The following USP19 variants were observed in gnomAD, a reference collection of about 807,000 sequenced individuals.
The protein encoded by USP19 is ubiquitin carboxyl-terminal hydrolase 19.
USP19 carries 40 observed loss-of-function variants against 144.8 expected under a neutral mutation model. The observed-to-expected ratio is 0.28, with a 90% confidence interval of 0.21 to 0.36. The LOEUF is 0.36. USP19 is among the 10% of genes least tolerant of loss of function. The pLI is 1.00. For missense variants in USP19, 1,518 were observed against 1,822.5 expected (o/e 0.83, Z 3.04); for synonymous variants, 701 against 709.3 (o/e 0.99, Z 0.19).
rs754055929 is a variant in USP19 at position 49,117,795 on chromosome 3, G to A, written c.334C>T (p.Pro112Ser). 7.4e-6 allele frequency: 12 copies of A among 1,614,170 alleles called. No homozygotes were observed. Among genetic ancestry groups the A allele is most frequent in the Non-Finnish European group, 1.0e-5 (12 of 1,180,036 alleles). ...CEDPHDLLAT[P>S]TPELLLDWRQ... is the part of the protein sequence containing the mutation. The stretch of plus-strand genomic sequence containing the variant: ...CAATCGAGCAACAACTCTGGAGTGG[G>A]AGTAGCCAAGAGATCATGAGGGTCT... The change falls in exon 4 of 27, where the codon CCC (proline) becomes TCC (serine). Residue 112 changes from proline (P) to serine (S), a missense_variant. This residue lies in a region of USP19 where 707 missense variants were observed against 728.9 expected (regional missense o/e 0.97). Transcript: ENST00000417901. The surrounding 1 kb of genome is among the most constrained non-coding windows in gnomAD (Gnocchi z 4.4).
Position 49,112,406 on chromosome 3 carries a change from G to A in USP19, c.2647-4C>T. The A allele has an allele frequency of 1.2e-6, 2 of 1,613,978 alleles. No homozygotes were observed. The highest frequency in any genetic ancestry group is 1.3e-5 in the African/African-American group (1 of 75,000). ...GGACGCTGGGCACCTGGGGGCGCTA[G>A]GGTGGGTCGTCTGGCTCAGCAAGAC... On this transcript the variant is annotated splice_polypyrimidine_tract_variant and splice_region_variant and intron_variant, in intron 18 of 26. Coordinates refer to ENST00000417901, the MANE Select transcript of USP19 (RefSeq NM_001199161.2). This position sits in a 1 kb window ranked among gnomAD's most constrained non-coding sequence, Gnocchi z 4.9.
rs768145973 is a variant in USP19, at chr3:49,114,733, G to A, written c.2292+30C>T. ...GACCAGAATAGCTGAGCTGAACTAG[G>A]GGGTCTCTTTCCAGGGGAGCCCATC... On this transcript the variant is annotated intron_variant, in intron 15 of 26. Transcript: ENST00000417901. The surrounding 1 kb of genome is among the most constrained non-coding windows in gnomAD (Gnocchi z 4.5). 2 of 1,608,406 alleles carry A rather than the reference G, an allele frequency of 1.2e-6. No homozygotes were observed. The highest frequency in any genetic ancestry group is 2.2e-5 in the East Asian group (1 of 44,856).
chr3:49,112,568 G>A lies in USP19; in HGVS notation c.2567C>T (p.Pro856Leu), dbSNP rs1490965704. The A allele has an allele frequency of 6.2e-7, 1 of 1,613,994 alleles. No homozygotes were observed. The highest frequency in any genetic ancestry group is 1.3e-5 in the African/African-American group (1 of 74,916). The change falls in exon 18 of 27, where the codon CCA (proline) becomes CTA (leucine). Residue 856 changes from proline (P) to leucine (L), a missense_variant. Physicochemically the swap from Pro to Leu is moderately conservative, Grantham distance 98. Coordinates refer to ENST00000417901, the MANE Select transcript of USP19 (RefSeq NM_001199161.2). This position sits in a 1 kb window ranked among gnomAD's most constrained non-coding sequence, Gnocchi z 4.9. ...LPSHSLDTVS[P>L]SDTLLCFELL... ...CTCAAAGCAGAGGAGCGTATCAGAT[G>A]GGGACACAGTGTCCAGTGAGTGGGA...
At chr3:49,109,776 C>A (rs947314370) in intron 26 of USP19, among the ~76,000 whole-genome samples, 6 of 152,194 alleles carry the variant, frequency 3.9e-5, no homozygotes, top group African/African-American at 7.2e-5. Flanking sequence ...CCATGGCCAG[C>A]CCAAATAGGC....
In USP19 at chr3:49,110,425, TG is replaced by T; in HGVS notation, c.3859+18del. 1 of 1,612,632 alleles carries T rather than the reference TG, an allele frequency of 6.2e-7. No individual in the cohort carries two copies. The highest frequency in any genetic ancestry group is 8.5e-7 in the Non-Finnish European group (1 of 1,179,032). The stretch of plus-strand genomic sequence containing the variant: ...CCACCACCCCTACCACCTATCCTGC[TG>T]GCTGTGTGTGCCCTCACCCACGTCA... On this transcript the variant is annotated intron_variant, in intron 25 of 26. Coordinates refer to ENST00000417901, the MANE Select transcript of USP19 (RefSeq NM_001199161.2). This position sits in a 1 kb window ranked among gnomAD's most constrained non-coding sequence, Gnocchi z 6.1.
Position 49,115,824 on chromosome 3 carries a change from T to C in USP19, c.1592A>G (p.Asp531Gly), listed in dbSNP as rs1228840381. 1.2e-6 allele frequency: 2 copies of C among 1,613,836 alleles called. No individual in the cohort carries two copies. The highest frequency in any genetic ancestry group is 2.7e-5 in the African/African-American group (2 of 74,930). ...GTCCTCAGATCGTGCCTTGGATTTA[T>C]CCTTCTCCACAGCCCGGGCCTCCTC... is the stretch of plus-strand genomic sequence containing the variant. The part of the protein sequence containing the change: ...GQEEARAVEK[D>G]KSKARSEDTG... Residue 531 changes from aspartate to glycine, a missense_variant, in exon 11 of 27, where the codon GAT becomes GGT. Around this residue, in one of 5 missense-constraint regions of USP19, gnomAD observed 707 missense variants for 728.9 expected, o/e 0.97. Coordinates refer to ENST00000417901, the MANE Select transcript of USP19 (RefSeq NM_001199161.2). This position sits in a 1 kb window ranked among gnomAD's most constrained non-coding sequence, Gnocchi z 6.6.
chr3:49,109,224 G>T, intron 26 of USP19: 4 of 1,451,664 alleles, frequency 2.8e-6, no homozygotes, highest in Non-Finnish European at 3.6e-6. Flanking sequence ...CCCCGGGGGT[G>T]GGGAGGACCC....
In USP19 at chr3:49,115,081, A is replaced by G; in HGVS notation, c.2059T>C (p.Tyr687His). The change falls in exon 14 of 27, where the codon TAT becomes CAT. Residue 687 changes from tyrosine to histidine, a missense_variant. This residue lies in a region of USP19 where 158 missense variants were observed against 277.3 expected (regional missense o/e 0.57). Coordinates refer to ENST00000417901, the MANE Select transcript of USP19 (RefSeq NM_001199161.2). This position sits in a 1 kb window ranked among gnomAD's most constrained non-coding sequence, Gnocchi z 6.6. ...AACTCCTGGGCATCATGCTGTGCAT[A>G]GCCTGTGAACTGGCTGGCCTTACTC... is the stretch of plus-strand genomic sequence containing the variant. ...VASKASQFTG[Y>H]AQHDAQEFMA... 6.2e-7 allele frequency: 1 copy of G among 1,614,194 alleles called. No individual in the cohort carries two copies. Among genetic ancestry groups the G allele is most frequent in the Non-Finnish European group, 8.5e-7 (1 of 1,180,026 alleles).
In USP19 at chr3:49,108,919, G is replaced by C; in HGVS notation, c.4039-391C>G. The C allele has an allele frequency of 6.3e-7, 1 of 1,575,538 alleles. No homozygotes were observed. Among genetic ancestry groups the C allele is most frequent in the South Asian group, 1.2e-5 (1 of 85,598 alleles). On this transcript the variant is annotated intron_variant, in intron 26 of 26. Coordinates refer to ENST00000417901, the MANE Select transcript of USP19 (RefSeq NM_001199161.2). This position sits in a 1 kb window ranked among gnomAD's most constrained non-coding sequence, Gnocchi z 4.8. ...CAAAGGCAGGCATGGCCTGGGGCAGGCAGGTAGGCCAGCTCACAGCAGCTG... is the reference window on the plus strand; with the variant it reads ...CAAAGGCAGGCATGGCCTGGGGCAGCCAGGTAGGCCAGCTCACAGCAGCTG...
In USP19 at chr3:49,108,375, G is replaced by A. The variant is rs1292232243; in HGVS notation, c.*37C>T. The A allele has an allele frequency of 8.3e-6, 7 of 839,364 alleles. No individual in the cohort carries two copies. In the Middle Eastern group the frequency reaches 9.5e-4, roughly 114 times the overall value. 52.0% of individuals were successfully genotyped at this position (839,364 alleles called of 1,614,324 possible). A position where few individuals can be genotyped will look rare whatever the true frequency, so the allele number is the denominator to read the frequency against. On this transcript the variant is annotated 3_prime_UTR_variant, in exon 27 of 27. Coordinates refer to ENST00000417901, the MANE Select transcript of USP19 (RefSeq NM_001199161.2). The surrounding 1 kb of genome is among the most constrained non-coding windows in gnomAD (Gnocchi z 4.8). The stretch of plus-strand genomic sequence containing the variant: ...CAAGGAGCTGGCCCTCTGTGTGGGT[G>A]TCCCAAACCCAGTCCCCCCCATCAG...
Position 49,110,207 on chromosome 3 carries a change from C to T in USP19, c.4015G>A (p.Ala1339Thr). The change falls in exon 26 of 27, where the codon GCA becomes ACA. Residue 1339 changes from alanine to threonine, a missense_variant. Ala to Thr is a moderately conservative substitution (Grantham distance 58). Coordinates refer to ENST00000417901, the MANE Select transcript of USP19 (RefSeq NM_001199161.2). The surrounding 1 kb of genome is among the most constrained non-coding windows in gnomAD (Gnocchi z 6.1). ...HSEHHPDLGP[A>T]AEAAASQGLG... ...ACCTGGCTGGCAGCAGCCTCAGCTGCAGGGCCTAGGTCTGGGTGGTGCTCA... is the reference window on the plus strand; with the variant it reads ...ACCTGGCTGGCAGCAGCCTCAGCTGTAGGGCCTAGGTCTGGGTGGTGCTCA... The T allele has an allele frequency of 6.5e-7, 1 of 1,527,662 alleles. No homozygotes were observed. The highest frequency in any genetic ancestry group is 8.8e-7 in the Non-Finnish European group (1 of 1,138,666). 94.6% of individuals were successfully genotyped at this position (1,527,662 alleles called of 1,614,324 possible).
In USP19 at chr3:49,112,341, G is replaced by C. The variant is rs781606184; in HGVS notation, c.2708C>G (p.Ser903Trp). 12 of 1,613,872 alleles carry C rather than the reference G, an allele frequency of 7.4e-6. No homozygotes were observed. The Admixed American group carries it at 1.3e-4, about 18-fold the overall frequency. ...KCAACQRKQQ[S>W]EDEKLKRCTR... ...ACAGCGCTTCAGCTTTTCATCCTCC[G>C]ACTGTTGCTTCCGCTGGCAGGCTGC... Residue 903 changes from serine (S) to tryptophan (W), a missense_variant, in exon 19 of 27, where the codon TCG becomes TGG. This residue lies in a region of USP19 where 413 missense variants were observed against 515.8 expected (regional missense o/e 0.80). Transcript: ENST00000417901. This position sits in a 1 kb window ranked among gnomAD's most constrained non-coding sequence, Gnocchi z 4.9.
chr3:49,108,597 G>A lies in USP19; in HGVS notation c.4039-69C>T. 1 of 1,241,722 alleles carries A rather than the reference G, an allele frequency of 8.1e-7. No homozygotes were observed. Among genetic ancestry groups the A allele is most frequent in the Non-Finnish European group, 1.0e-6 (1 of 984,044 alleles). The allele number at this position is 1,241,722 out of a possible 1,614,324, so 76.9% of individuals were successfully genotyped here. On this transcript the variant is annotated intron_variant, in intron 26 of 26. Transcript: ENST00000417901. The surrounding 1 kb of genome is among the most constrained non-coding windows in gnomAD (Gnocchi z 4.8). ...GCCGCCTGGCATCCCGGGGGTGCTG[G>A]CTTGGAGCCCTGGCACCCAAGGGAG...
At chr3:49,109,045 C>A in intron 26 of USP19, 1 of 1,612,958 alleles carries the variant, frequency 6.2e-7, no homozygotes, top group Non-Finnish European at 8.5e-7. Context: ...GGACAAAGTA[C>A]CGGAGGCAGC....
chr3:49,113,716 G>A (rs1457198483), intron 17 of USP19, among the ~76,000 whole-genome samples: 1 of 152,180 alleles, frequency 6.6e-6, no homozygotes, highest in African/African-American at 2.4e-5. Flanking sequence ...TCTTGCCTCA[G>A]CCTCCCAAGT....
Position 49,108,452 on chromosome 3 carries a change from C to T in USP19, c.4115G>A (p.Arg1372Gln), listed in dbSNP as rs954795544. ...CATGTTGCTGTAGGTGGGGGCTGGC[C>T]GATCCACAGGGGGGGCGAAGCGTTC... ...APERFAPPVDRPAPTYSNMEE... is the reference protein window; with the variant it reads ...APERFAPPVDQPAPTYSNMEE... Residue 1372 changes from arginine (R) to glutamine (Q), a missense_variant, in exon 27 of 27, where the codon CGG becomes CAG. Physicochemically the swap from Arg to Gln is conservative, Grantham distance 43 (BLOSUM62 1). Around this residue, in one of 5 missense-constraint regions of USP19, gnomAD observed 118 missense variants for 100.2 expected, o/e 1.18. Coordinates refer to ENST00000417901, the MANE Select transcript of USP19 (RefSeq NM_001199161.2). The surrounding 1 kb of genome is among the most constrained non-coding windows in gnomAD (Gnocchi z 4.8). 53 of 1,364,930 alleles carry T rather than the reference C, an allele frequency of 3.9e-5. No homozygotes were observed. The highest frequency in any genetic ancestry group is 2.7e-4 in the African/African-American group (18 of 65,526). The allele number at this position is 1,364,930 out of a possible 1,614,324, so 84.6% of individuals were successfully genotyped here. A position where few individuals can be genotyped will look rare whatever the true frequency, so the allele number is the denominator to read the frequency against.
chr3:49,117,661 A>G lies in USP19; in HGVS notation c.468T>C (p.Phe156=). The G allele has an allele frequency of 6.2e-7, 1 of 1,614,230 alleles. No homozygotes were observed. The highest frequency in any genetic ancestry group is 1.3e-5 in the African/African-American group (1 of 75,064). ...AFTDTDCVVR[F]AGGQQWGGVF... ...GCTCAGGGCAGATGGACACACCTGC[A>G]AACCGCACCACACAGTCTGTATCTG... Residue 156 remains phenylalanine, a synonymous_variant, in exon 4 of 27, where the codon TTT becomes TTC. Coordinates refer to ENST00000417901, the MANE Select transcript of USP19 (RefSeq NM_001199161.2). The surrounding 1 kb of genome is among the most constrained non-coding windows in gnomAD (Gnocchi z 4.4).
Position 49,116,232 on chromosome 3 carries a change from A to T in USP19, c.1355+48T>A. On this transcript the variant is annotated intron_variant, in intron 9 of 26. Transcript: ENST00000417901. The surrounding 1 kb of genome is among the most constrained non-coding windows in gnomAD (Gnocchi z 5.0). ...CAGGATAGATGAGCCAGGGAGATGG[A>T]GCCCACGGGGTAGGACAGGCACAGT... is the stretch of plus-strand genomic sequence containing the variant. 6.2e-7 allele frequency: 1 copy of T among 1,613,520 alleles called. No homozygotes were observed. The highest frequency in any genetic ancestry group is 8.5e-7 in the Non-Finnish European group (1 of 1,179,764).
In USP19 at chr3:49,108,665, A is replaced by C; in HGVS notation, c.4039-137T>G. ...AGACAGCAGCGGCGTTGAGACAGAGAGACGAGATTGGGCCTGAATAGTCTG... is the reference window on the plus strand; with the variant it reads ...AGACAGCAGCGGCGTTGAGACAGAGCGACGAGATTGGGCCTGAATAGTCTG... On this transcript the variant is annotated intron_variant, in intron 26 of 26. Transcript: ENST00000417901. The surrounding 1 kb of genome is among the most constrained non-coding windows in gnomAD (Gnocchi z 4.8). 1 of 1,287,180 alleles carries C rather than the reference A, an allele frequency of 7.8e-7. No homozygotes were observed. The highest frequency in any genetic ancestry group is 9.8e-7 in the Non-Finnish European group (1 of 1,016,694). The allele number at this position is 1,287,180 out of a possible 1,614,324, so 79.7% of individuals were successfully genotyped here.
Sources: allele counts gnomAD v4.1 joint callset (sites outside exome capture counted in the v4.1 genomes callset), GRCh38; gene constraint gnomAD v4.1.1; regional missense constraint gnomAD v4.1.1; non-coding constraint Gnocchi (gnomAD v3.1); transcripts MANE v1.5; gene names NCBI Gene and HGNC (gene_info 2026-07-23, HGNC 2026-07-21).